Variants in LNX1 observed in about 807,000 individuals in gnomAD.
The protein encoded by LNX1 is ligand of numb-protein X 1, also known as E3 ubiquitin-protein ligase LNX.
A neutral mutation model predicts 68.4 loss-of-function variants in LNX1; 54 were observed. The ratio of observed to expected loss-of-function variants is 0.79; its 90% CI spans 0.63 to 0.99. The LOEUF (loss-of-function observed/expected upper bound fraction) is 0.99. LNX1 is among the 50% of genes least tolerant of loss of function. LNX1 has a pLI of 0.00. For synonymous variants in LNX1, 336 were observed against 350.0 expected (o/e 0.96, Z 0.45); for missense variants, 906 against 926.4 (o/e 0.98, Z 0.29).
upstream of LNX1, among the ~76,000 whole-genome samples, chr4:53,619,942 A>G (rs1385666413): frequency 2.1e-4 from 32 of 152,330 alleles, no homozygotes; most frequent in Middle Eastern, 3.4e-3. Context: ...GTTCTTACTA[A>G]TTAAGAACAA....
At chr4:53,536,892 T>A (rs960279431) in intron 2 of LNX1, among the ~76,000 whole-genome samples, 1 of 152,264 alleles carries the variant, frequency 6.6e-6, no homozygotes, top group Non-Finnish European at 1.5e-5. Flanking sequence ...TTAGTATAGA[T>A]GTAGAATTTC....
At chr4:53,487,875 G>C (rs1194962077) in intron 6 of LNX1, among the ~76,000 whole-genome samples, 1 of 152,180 alleles carries the variant, frequency 6.6e-6, no homozygotes, top group Non-Finnish European at 1.5e-5. Flanking sequence ...AAATGAGACA[G>C]TTTGGCTTTA....
intron 1 of LNX1, among the ~76,000 whole-genome samples, chr4:53,650,099 A>C (rs1341526195): frequency 6.6e-6 from 1 of 152,204 alleles, no homozygotes; most frequent in Non-Finnish European, 1.5e-5. Flanking sequence ...GAATGAATGG[A>C]ATGAGCCTGG....
At chr4:53,486,437 T>A (rs960303740) in intron 6 of LNX1, among the ~76,000 whole-genome samples, 5 of 152,184 alleles carry the variant, frequency 3.3e-5, no homozygotes, top group African/African-American at 4.8e-5. Context: ...GCCATCCATA[T>A]TCTCCCCTGT....
chr4:53,480,557 T>C (rs1723845283), intron 7 of LNX1, among the ~76,000 whole-genome samples: 2 of 152,216 alleles, frequency 1.3e-5, no homozygotes, highest in African/African-American at 2.4e-5. Flanking sequence ...AAGCATTTAC[T>C]AGCAAAAAGA....
At position 53,461,605 on chromosome 4, in the gene LNX1, T is replaced by G. The variant is rs149631003; in HGVS notation, c.1893-12A>C. The G allele has an allele frequency of 1.4e-5, 23 of 1,598,840 alleles. No individual in the cohort carries two copies. In the East Asian group the frequency reaches 5.1e-4, roughly 36 times the overall value. ...AGTTATACAAGCACCTGAAATAGAA[T>G]GTAATCAGTGTACATGCATATTTAA... On this transcript the variant is annotated splice_polypyrimidine_tract_variant and intron_variant, in intron 9 of 10. Coordinates refer to ENST00000263925, the MANE Select transcript of LNX1 (RefSeq NM_001126328.3).
intron 6 of LNX1, among the ~76,000 whole-genome samples, chr4:53,485,180 GC>G (rs943427622): frequency 1.3e-5 from 2 of 152,144 alleles, no homozygotes; most frequent in African/African-American, 4.8e-5. Context: ...ACTCTCTAAA[GC>G]AAAACTTACT....
chr4:53,583,999 G>A (rs1250403339), intron 1 of LNX1, among the ~76,000 whole-genome samples: 1 of 152,040 alleles, frequency 6.6e-6, no homozygotes, highest in African/African-American at 2.4e-5. Context: ...GAGTATTTTT[G>A]CATTGATTCG....
chr4:53,470,537 A>G (rs949933185), intron 9 of LNX1, among the ~76,000 whole-genome samples: 1 of 152,208 alleles, frequency 6.6e-6, no homozygotes, highest in African/African-American at 2.4e-5. Flanking sequence ...TTAGGAAAAG[A>G]GGAAGTCAAA....
chr4:53,634,027 C>T (rs952346120), intron 1 of LNX1, among the ~76,000 whole-genome samples: 2 of 152,136 alleles, frequency 1.3e-5, no homozygotes, highest in African/African-American at 4.8e-5. Flanking sequence ...GTTAATAACA[C>T]TCTGAAACCA....
chr4:53,471,634 C>G (rs1182490091), intron 9 of LNX1, among the ~76,000 whole-genome samples: 5 of 151,946 alleles, frequency 3.3e-5, no homozygotes, highest in South Asian at 2.1e-4. Context: ...TGAACTCAAA[C>G]AAGTTTACAA....
chr4:53,496,066 T>G lies in LNX1; in HGVS notation c.1307A>C (p.Asp436Ala), dbSNP rs1725033217. Residue 436 changes from aspartate to alanine, a missense_variant, in exon 6 of 11, where the codon GAT (aspartate) becomes GCT (alanine). Physicochemically the swap from Asp to Ala is moderately radical, Grantham distance 126. Coordinates refer to ENST00000263925, the MANE Select transcript of LNX1 (RefSeq NM_001126328.3). ...NDRVLAINGHDLRYGSPESAA... is the reference protein window; with the variant it reads ...NDRVLAINGHALRYGSPESAA... ...ACTTTCTGGGCTGCCATATCGAAGA[T>G]CATGTCCATTGATGGCTAACACACG... The G allele has an allele frequency of 6.2e-7, 1 of 1,614,066 alleles. No homozygotes were observed. Among genetic ancestry groups the G allele is most frequent in the African/African-American group, 1.3e-5 (1 of 74,932 alleles).
At chr4:53,495,222 G>A (rs143518303) in intron 6 of LNX1, among the ~76,000 whole-genome samples, 4 of 152,090 alleles carry the variant, frequency 2.6e-5, no homozygotes, top group East Asian at 3.9e-4. Context: ...CTCAAAATAC[G>A]AAGGTGAGTT....
chr4:53,587,998 C>T (rs1577764612), intron 1 of LNX1, among the ~76,000 whole-genome samples: 1 of 152,346 alleles, frequency 6.6e-6, no homozygotes, highest in East Asian at 1.9e-4. Flanking sequence ...CCTCAACGTA[C>T]TACCGTTTCC....
At chr4:53,521,978 A>AT (rs11386482) in intron 2 of LNX1, among the ~76,000 whole-genome samples, 112,630 of 151,732 alleles carry the variant, frequency 0.74, 42,367 homozygotes, top group South Asian at 0.82. Flanking sequence ...TTTTTCATTA[A>AT]TTTTTTTGTA....
intron 5 of LNX1, among the ~76,000 whole-genome samples, chr4:53,497,758 T>C (rs923015219): frequency 6.6e-6 from 1 of 152,232 alleles, no homozygotes; most frequent in African/African-American, 2.4e-5. Context: ...GGCCCTGTCT[T>C]ATGCTCCACC....
intron 1 of LNX1, among the ~76,000 whole-genome samples, chr4:53,626,407 T>C (rs955024551): frequency 2.0e-5 from 3 of 152,238 alleles, no homozygotes; most frequent in Admixed American, 6.5e-5. Flanking sequence ...ATGTGAATTA[T>C]AACTCAATAA....
chr4:53,620,003 A>T (rs1733810081), upstream of LNX1, among the ~76,000 whole-genome samples: 1 of 152,238 alleles, frequency 6.6e-6, no homozygotes, highest in Admixed American at 6.5e-5. Context: ...ATTCTTATAG[A>T]TTTAAAAGAT....
intron 3 of LNX1, 42 bp from the exon 4 acceptor site, chr4:53,507,511 A>G (rs1164775573): frequency 6.3e-7 from 1 of 1,588,864 alleles, no homozygotes; most frequent in Non-Finnish European, 8.6e-7. Flanking sequence ...ATGATTTAAT[A>G]GAAATAATCA....
Sources: allele counts gnomAD v4.1 joint callset (sites outside exome capture counted in the v4.1 genomes callset), GRCh38; gene constraint gnomAD v4.1.1; transcripts MANE v1.5; gene names NCBI Gene and HGNC (gene_info 2026-07-23, HGNC 2026-07-21).